The following CELSR1 variants were observed in gnomAD, a reference collection of about 807,000 sequenced individuals.
CELSR1 encodes adhesion G protein-coupled receptor C1.
A neutral mutation model predicts 249.1 loss-of-function variants in CELSR1; 110 were observed. That is an observed-to-expected ratio of 0.44 (90% CI 0.38 to 0.52). The LOEUF (loss-of-function observed/expected upper bound fraction) is 0.52, where lower values mean the gene tolerates loss of function less well. Among genes scored for constraint, CELSR1 ranks in the 20% least tolerant of loss-of-function variants. The pLI, the probability that CELSR1 is intolerant of heterozygous loss-of-function variation, is 0.00. For synonymous variants in CELSR1, 2,113 were observed against 1,900.0 expected (o/e 1.11, Z -2.92); for missense variants, 4,109 against 4,296.4 (o/e 0.96, Z 1.22).
rs1319938590 is a variant in CELSR1, at chr22:46,490,837, G to A, written c.3545-26492C>T. On this transcript the variant is annotated intron_variant, in intron 1 of 34. Coordinates refer to ENST00000674500, the MANE Select transcript of CELSR1 (RefSeq NM_001378328.1). This position sits in a 1 kb window ranked among gnomAD's most constrained non-coding sequence, Gnocchi z 5.2. ...CTGGCCTGGGGCTGCTGCACGTGCC[G>A]CACCCTGATCCTCCAGGCAGTCCAA... 1.3e-5 allele frequency among the ~76,000 whole-genome samples: 2 copies of A among 152,140 alleles called. No homozygotes were observed. Among genetic ancestry groups the A allele is most frequent in the African/African-American group, 2.4e-5 (1 of 41,396 alleles).
intron 2 of CELSR1, among the ~76,000 whole-genome samples, chr22:46,459,560 T>C (rs2079996216): frequency 6.6e-6 from 1 of 152,234 alleles, no homozygotes; most frequent in African/African-American, 2.4e-5. Context: ...GTTTGAATCC[T>C]GACCCCACCC....
Position 46,366,453 on chromosome 22 carries a change from C to T in CELSR1, c.8233G>A (p.Gly2745Ser), listed in dbSNP as rs2078783199. 3.9e-6 allele frequency: 6 copies of T among 1,550,182 alleles called. No individual in the cohort carries two copies. The highest frequency in any genetic ancestry group is 1.2e-5 in the South Asian group (1 of 84,066). Residue 2745 changes from glycine (G) to serine (S), a missense_variant, in exon 30 of 35, where the codon GGT (glycine) becomes AGT (serine). Gly to Ser is a moderately conservative substitution (Grantham distance 56, BLOSUM62 0). Coordinates refer to ENST00000674500, the MANE Select transcript of CELSR1 (RefSeq NM_001378328.1). ...GTGCGCAGCATGTCAGGCCCGTCAC[C>T]GAAGGTGGTGTTGCAGTTGAGGGAG... ...TRSLNCNTTFGDGPDMLRTDL... is the reference protein window; with the variant it reads ...TRSLNCNTTFSDGPDMLRTDL...
At chr22:46,501,775 A>G (rs746957307) in intron 1 of CELSR1, among the ~76,000 whole-genome samples, 12 of 152,042 alleles carry the variant, frequency 7.9e-5, no homozygotes, top group Non-Finnish European at 1.8e-4. Flanking sequence ...CTTTCCATGA[A>G]CTCCAAGAGT....
rs115731905 is a variant in CELSR1, at chr22:46,413,862, T to G, written c.4612-2103A>C. On this transcript the variant is annotated intron_variant, in intron 5 of 34. Coordinates refer to ENST00000674500, the MANE Select transcript of CELSR1 (RefSeq NM_001378328.1). The surrounding 1 kb of genome is among the most constrained non-coding windows in gnomAD (Gnocchi z 4.7). Reference sequence around the variant, plus strand: ...AGGGAAAGGAGAACCTCCCCTCACTTTGTGAGCCCCACCTTATCTTTACAA... The same window carrying G: ...AGGGAAAGGAGAACCTCCCCTCACTGTGTGAGCCCCACCTTATCTTTACAA... Among the ~76,000 whole-genome samples the G allele has an allele frequency of 0.017, 2,565 of 152,294 alleles. 67 individuals are homozygous for G. The highest frequency in any genetic ancestry group is 0.061 in the Middle Eastern group (18 of 294).
Position 46,463,743 on chromosome 22 carries a change from C to T in CELSR1, c.4147G>A (p.Gly1383Ser). ...TCGAAGCACTCGCAGGTGTAGCCGC[C>T]CTCGCGGCTGCGGCAGCGGCCGTTG... is the stretch of plus-strand genomic sequence containing the variant. Reference protein sequence around the residue: ...GANGRCRSREGGYTCECFEDF... With the variant: ...GANGRCRSRESGYTCECFEDF... Residue 1383 changes from glycine (G) to serine (S), a missense_variant, in exon 2 of 35, where the codon GGC (glycine) becomes AGC (serine). Transcript: ENST00000674500. 1 of 1,541,456 alleles carries T rather than the reference C, an allele frequency of 6.5e-7. No homozygotes were observed. The highest frequency in any genetic ancestry group is 8.7e-7 in the Non-Finnish European group (1 of 1,145,148).
At position 46,369,054 on chromosome 22, in the gene CELSR1, G is replaced by C. The variant is rs911159754; in HGVS notation, c.7952+125C>G. On this transcript the variant is annotated intron_variant, in intron 27 of 34. Transcript: ENST00000674500. ...TCTCTGGAGCCCTGGGGCTCACCCAGGCTGCCCCCAGCCCTCCTCCATGAG... is the reference window on the plus strand; with the variant it reads ...TCTCTGGAGCCCTGGGGCTCACCCACGCTGCCCCCAGCCCTCCTCCATGAG... 6 of 824,004 alleles carry C rather than the reference G, an allele frequency of 7.3e-6. No individual in the cohort carries two copies. The African/African-American group carries it at 1.0e-4, about 14-fold the overall frequency. 51.0% of individuals were successfully genotyped at this position (824,004 alleles called of 1,614,324 possible).
At chr22:46,477,473 G>A (rs1012292849) in intron 1 of CELSR1, among the ~76,000 whole-genome samples, 1 of 151,804 alleles carries the variant, frequency 6.6e-6, no homozygotes, top group Non-Finnish European at 1.5e-5. Flanking sequence ...GACGCTGAGT[G>A]GCCAACGAGC....
Position 46,445,606 on chromosome 22 carries a change from T to C in CELSR1, c.4184-6195A>G, listed in dbSNP as rs1274995196. On this transcript the variant is annotated intron_variant, in intron 2 of 34. Coordinates refer to ENST00000674500, the MANE Select transcript of CELSR1 (RefSeq NM_001378328.1). The surrounding 1 kb of genome is among the most constrained non-coding windows in gnomAD (Gnocchi z 4.4). ...CATCTGGAAAGAGCCCATTTCCAAC[T>C]GAGGTCTCATTCTGAGAGTCTGTGT... Among the ~76,000 whole-genome samples the C allele has an allele frequency of 6.6e-6, 1 of 152,218 alleles. No homozygotes were observed. Among genetic ancestry groups the C allele is most frequent in the East Asian group, 1.9e-4 (1 of 5,190 alleles).
chr22:46,485,690 G>A (rs547494254), intron 1 of CELSR1, among the ~76,000 whole-genome samples: 3 of 152,316 alleles, frequency 2.0e-5, no homozygotes, highest in South Asian at 2.1e-4. Flanking sequence ...TGCTGTCTGC[G>A]CCCATGGGGT....
chr22:46,395,586 T>A lies in CELSR1; in HGVS notation c.5843+1019A>T, dbSNP rs1268173393. On this transcript the variant is annotated intron_variant, in intron 13 of 34. Transcript: ENST00000674500. The surrounding 1 kb of genome is among the most constrained non-coding windows in gnomAD (Gnocchi z 5.5). ...GATATCCAAGAATGATGTGGTGCCATCTTCTCGTGAGGTCACCAGCTCCAG... is the reference window on the plus strand; with the variant it reads ...GATATCCAAGAATGATGTGGTGCCAACTTCTCGTGAGGTCACCAGCTCCAG... Among the ~76,000 whole-genome samples, 4 of 152,154 alleles carry A rather than the reference T, an allele frequency of 2.6e-5. No individual in the cohort carries two copies. The highest frequency in any genetic ancestry group is 9.7e-5 in the African/African-American group (4 of 41,428).
rs1456952325 is a variant in CELSR1 at position 46,362,346 on chromosome 22, C to G, written c.*877G>C. The G allele has an allele frequency of 2.6e-5, 4 of 152,350 alleles. No homozygotes were observed. The highest frequency in any genetic ancestry group is 4.4e-5 in the Non-Finnish European group (3 of 68,088). 9.4% of individuals were successfully genotyped at this position (152,350 alleles called of 1,614,324 possible). ...GGCTCCTCACACCTGCCTAGTGCTG[C>G]ACTGCCCTGTCTTGAATTCACACAG... On this transcript the variant is annotated 3_prime_UTR_variant, in exon 35 of 35. Transcript: ENST00000674500.
At position 46,513,911 on chromosome 22, in the gene CELSR1, GCC is replaced by G. The variant is rs11412661; in HGVS notation, c.3544+19714_3544+19715del. On this transcript the variant is annotated intron_variant, in intron 1 of 34. Coordinates refer to ENST00000674500, the MANE Select transcript of CELSR1 (RefSeq NM_001378328.1). ...GGGTTCACGCCATTCTCCTGCCTCA[GCC>G]CCCCCCGAGTAGCTGGGACTACAGG... 2.6e-5 allele frequency among the ~76,000 whole-genome samples: 4 copies of G among 151,026 alleles called. No individual in the cohort carries two copies. The East Asian group carries it at 7.8e-4, about 29-fold the overall frequency.
At chr22:46,444,393 C>A (rs10470293) in intron 2 of CELSR1, among the ~76,000 whole-genome samples, 64,595 of 152,010 alleles carry the variant, frequency 0.42, 14,091 homozygotes, top group African/African-American at 0.49. Context: ...GGAGGCTGAC[C>A]GATATAAGCT....
chr22:46,512,921 G>A lies in CELSR1; in HGVS notation c.3544+20706C>T, dbSNP rs1266691052. ...GTGCTGCCCCGGGTGGCCCCGCATG[G>A]CAGGCGACGTCCTCCTCCAGGCTGG... is the stretch of plus-strand genomic sequence containing the variant. On this transcript the variant is annotated intron_variant, in intron 1 of 34. Coordinates refer to ENST00000674500, the MANE Select transcript of CELSR1 (RefSeq NM_001378328.1). The surrounding 1 kb of genome is among the most constrained non-coding windows in gnomAD (Gnocchi z 5.2). Among the ~76,000 whole-genome samples, 1 of 152,194 alleles carries A rather than the reference G, an allele frequency of 6.6e-6. No individual in the cohort carries two copies. The highest frequency in any genetic ancestry group is 2.4e-5 in the African/African-American group (1 of 41,438).
Position 46,407,010 on chromosome 22 carries a change from G to C in CELSR1, c.5226+1986C>G, listed in dbSNP as rs190575990. 3.9e-5 allele frequency among the ~76,000 whole-genome samples: 6 copies of C among 152,214 alleles called. No individual in the cohort carries two copies. The highest frequency in any genetic ancestry group is 1.9e-4 in the East Asian group (1 of 5,190). Reference sequence around the variant, plus strand: ...ACTTCCTGACCGCAGGAGCGGGGAGGGGGGGTCATCCTGGGAGAACAGGGT... The same window carrying C: ...ACTTCCTGACCGCAGGAGCGGGGAGCGGGGGTCATCCTGGGAGAACAGGGT... On this transcript the variant is annotated intron_variant, in intron 9 of 34. Coordinates refer to ENST00000674500, the MANE Select transcript of CELSR1 (RefSeq NM_001378328.1). This position sits in a 1 kb window ranked among gnomAD's most constrained non-coding sequence, Gnocchi z 4.8.
intron 4 of CELSR1, among the ~76,000 whole-genome samples, chr22:46,435,455 T>C (rs983446891): frequency 6.6e-6 from 1 of 151,378 alleles, no homozygotes; most frequent in Non-Finnish European, 1.5e-5. Flanking sequence ...CTAATTTTTG[T>C]ATTTTCAGTA....
rs2079185340 is a variant in CELSR1 at position 46,399,287 on chromosome 22, C to T, written c.5412+430G>A. Among the ~76,000 whole-genome samples, 1 of 152,216 alleles carries T rather than the reference C, an allele frequency of 6.6e-6. No homozygotes were observed. The highest frequency in any genetic ancestry group is 6.5e-5 in the Admixed American group (1 of 15,282). Reference sequence around the variant, plus strand: ...GGACATGTGTGGCTCCCTGGTGTCTCACAGGCCTGTCCAGGACCTGGGTCT... The same window carrying T: ...GGACATGTGTGGCTCCCTGGTGTCTTACAGGCCTGTCCAGGACCTGGGTCT... On this transcript the variant is annotated intron_variant, in intron 10 of 34. Transcript: ENST00000674500. This position sits in a 1 kb window ranked among gnomAD's most constrained non-coding sequence, Gnocchi z 5.0.
chr22:46,495,762 C>A (rs2080406920), intron 1 of CELSR1, among the ~76,000 whole-genome samples: 1 of 152,180 alleles, frequency 6.6e-6, no homozygotes, highest in South Asian at 2.1e-4. Context: ...TTGCAGTGAG[C>A]CGAGATCGTG....
At chr22:46,367,950 G>A (rs1004176158) in intron 27 of CELSR1, 95 bp from the exon 28 acceptor site, 17 of 1,452,872 alleles carry the variant, frequency 1.2e-5, no homozygotes, top group Admixed American at 8.6e-5. Flanking sequence ...CTGCCTGCCC[G>A]TCCGCCCATC....
Sources: allele counts gnomAD v4.1 joint callset (sites outside exome capture counted in the v4.1 genomes callset), GRCh38; gene constraint gnomAD v4.1.1; non-coding constraint Gnocchi (gnomAD v3.1); transcripts MANE v1.5; gene names NCBI Gene and HGNC (gene_info 2026-07-23, HGNC 2026-07-21).